Variants in SCML2 observed in about 807,000 individuals in gnomAD.
SCML2 encodes sex comb on midleg-like protein 2.
A neutral mutation model predicts 48.4 loss-of-function variants in SCML2; 6 were observed. That is an observed-to-expected ratio of 0.12 (90% CI 0.07 to 0.24). SCML2 has a LOEUF of 0.24. Among genes scored for constraint, SCML2 ranks in the 10% least tolerant of loss-of-function variants. SCML2 has a pLI of 1.00. For synonymous variants in SCML2, 181 were observed against 189.5 expected, an observed-to-expected ratio of 0.95 and a Z score of 0.37; for missense variants, 377 against 528.2, an observed-to-expected ratio of 0.71 and a Z score of 2.81.
rs1928717483 is a variant in SCML2, at chrX:18,305,139, A to T, written c.563T>A (p.Leu188His). The T allele has an allele frequency of 8.3e-7, 1 of 1,207,741 alleles. No individual in the cohort carries two copies. Among genetic ancestry groups the T allele is most frequent in the Non-Finnish European group, 1.1e-6 (1 of 894,199 alleles). Residue 188 changes from leucine to histidine, a missense_variant, in exon 7 of 15, where the codon CTC becomes CAC. Physicochemically the swap from Leu to His is moderately conservative, Grantham distance 99. Around this residue, in one of 3 missense-constraint regions of SCML2, gnomAD observed 299 missense variants for 425.5 expected, o/e 0.70. Transcript: ENST00000251900. ...ATCTCCAATGGTCGCAGGACAGATG[A>T]GATACGGGTTCTTTTTGTCAATAGC... ...LEAIDKKNPY[L>H]ICPATIGDVK...
At chrX:18,263,482 G>T (rs374380256) in intron 8 of SCML2, among the ~76,000 whole-genome samples, 1 of 111,479 alleles carries the variant, frequency 9.0e-6, no homozygotes, top group Non-Finnish European at 1.9e-5. Flanking sequence ...TGCAGTGCTG[G>T]TTCGACAATG....
In SCML2 at chrX:18,285,536, A is replaced by T. The variant is rs192289822; in HGVS notation, c.730+19436T>A. On this transcript the variant is annotated intron_variant, in intron 7 of 14. Transcript: ENST00000251900. ...ATGGACATAAACATGTGAACAATAGATATTGCAGACTACGGGGGGGTGAGG... is the reference window on the plus strand; with the variant it reads ...ATGGACATAAACATGTGAACAATAGTTATTGCAGACTACGGGGGGGTGAGG... 3.4e-4 allele frequency among the ~76,000 whole-genome samples: 37 copies of T among 110,189 alleles called. 1 individual carries two copies. Among genetic ancestry groups the T allele is most frequent in the African/African-American group, 1.2e-3 (37 of 30,222 alleles).
intron 14 of SCML2, 144 bp downstream of exon 14, chrX:18,242,295 T>C: frequency 1.7e-6 from 1 of 583,035 alleles, no homozygotes; most frequent in Non-Finnish European, 2.5e-6. Flanking sequence ...AAGGAACTAA[T>C]CTTGGGAAAA....
At chrX:18,293,754 A>G (rs1928305248) in intron 7 of SCML2, among the ~76,000 whole-genome samples, 1 of 112,402 alleles carries the variant, frequency 8.9e-6, no homozygotes, top group East Asian at 2.8e-4. Context: ...TAAAGTAGCT[A>G]GATTTTAAAA....
chrX:18,340,809 CA>C lies in SCML2; in HGVS notation c.-24-6715del, dbSNP rs752528935. ...TGGGTGACAGAGCAAGACTCCGTCT[CA>C]AAAAAAAAAAAAAAAATTAAATAAA... On this transcript the variant is annotated intron_variant, in intron 1 of 14. Transcript: ENST00000251900. Among the ~76,000 whole-genome samples the C allele has an allele frequency of 8.0e-3, 318 of 39,828 alleles. 1 individual carries two copies. The highest frequency in any genetic ancestry group is 0.022 in the African/African-American group (231 of 10,550). The allele number at this position is 39,828 out of a possible 115,157, so 34.6% of individuals were successfully genotyped here. A position where few individuals can be genotyped will look rare whatever the true frequency, so the allele number is the denominator to read the frequency against.
chrX:18,337,563 A>G (rs1474055136), intron 1 of SCML2, among the ~76,000 whole-genome samples: 2 of 110,673 alleles, frequency 1.8e-5, no homozygotes, highest in Non-Finnish European at 3.8e-5. Flanking sequence ...TACTCAAAAA[A>G]GATATGACAA....
intron 3 of SCML2, among the ~76,000 whole-genome samples, chrX:18,326,604 C>T (rs979338719): frequency 1.9e-5 from 2 of 105,663 alleles, no homozygotes; most frequent in Non-Finnish European, 3.9e-5. Context: ...TGCTTGAACT[C>T]GGGAGGTGGA....
intron 9 of SCML2, among the ~76,000 whole-genome samples, 166 bp from the exon 10 acceptor site, chrX:18,258,413 A>G (rs1926940786): frequency 8.9e-6 from 1 of 112,393 alleles, no homozygotes; most frequent in African/African-American, 3.2e-5. Context: ...ATATGTAAAT[A>G]TATTTTTACA....
chrX:18,326,394 G>A (rs1434598190), intron 3 of SCML2, among the ~76,000 whole-genome samples: 1 of 111,224 alleles, frequency 9.0e-6, no homozygotes, highest in Non-Finnish European at 1.9e-5. Flanking sequence ...TAAGAATGTG[G>A]GCTTTAGGGC....
intron 5 of SCML2, among the ~76,000 whole-genome samples, chrX:18,322,064 TTG>T (rs1029982077): frequency 6.3e-5 from 7 of 111,839 alleles, no homozygotes; most frequent in East Asian, 2.8e-4. Flanking sequence ...ACCTTTCAGT[TTG>T]TGTGTTAAAA....
intron 6 of SCML2, among the ~76,000 whole-genome samples, chrX:18,313,008 CGCGT>C (rs200201704): frequency 1.2e-5 from 1 of 85,017 alleles, no homozygotes; most frequent in African/African-American, 5.4e-5. Context: ...TGTGTGTGTG[CGCGT>C]GTGTGTGTGT....
At chrX:18,270,597 G>A (rs1342177108) in intron 7 of SCML2, among the ~76,000 whole-genome samples, 1 of 110,136 alleles carries the variant, frequency 9.1e-6, no homozygotes, top group Non-Finnish European at 1.9e-5. Context: ...TTTTTAAGCC[G>A]ATTCAACTAA....
chrX:18,317,847 A>G (rs1411777208), intron 6 of SCML2, among the ~76,000 whole-genome samples: 1 of 109,135 alleles, frequency 9.2e-6, no homozygotes. Flanking sequence ...AAAAAAAAAA[A>G]AAAAAAGAAA....
At chrX:18,301,370 G>C (rs1000307596) in intron 7 of SCML2, among the ~76,000 whole-genome samples, 4 of 110,075 alleles carry the variant, frequency 3.6e-5, no homozygotes, top group African/African-American at 1.3e-4. Flanking sequence ...TGCTCTCCAG[G>C]CTGGGTGACA....
At chrX:18,286,334 T>G (rs1337124929) in intron 7 of SCML2, among the ~76,000 whole-genome samples, 1 of 111,928 alleles carries the variant, frequency 8.9e-6, no homozygotes, top group African/African-American at 3.2e-5. Context: ...GCTATAAAAT[T>G]TTTAGACTAG....
chrX:18,272,963 T>C (rs769416121), intron 7 of SCML2, among the ~76,000 whole-genome samples: 1 of 112,169 alleles, frequency 8.9e-6, no homozygotes, highest in Admixed American at 9.4e-5. Context: ...TATAACAACA[T>C]TTCCACAGAT....
At chrX:18,351,265 A>T (rs1457600955) in intron 1 of SCML2, among the ~76,000 whole-genome samples, 1 of 106,377 alleles carries the variant, frequency 9.4e-6, no homozygotes, top group Non-Finnish European at 1.9e-5. Flanking sequence ...GCGAGAGCCC[A>T]TCTCAAAAAA....
At chrX:18,257,377 T>A (rs1926887138) in intron 10 of SCML2, among the ~76,000 whole-genome samples, 1 of 111,744 alleles carries the variant, frequency 8.9e-6, no homozygotes, top group African/African-American at 3.3e-5. Context: ...TTGAGTCACA[T>A]ATTTATTTAG....
At chrX:18,306,597 C>T (rs928927940) in intron 6 of SCML2, among the ~76,000 whole-genome samples, 2 of 111,722 alleles carry the variant, frequency 1.8e-5, no homozygotes, top group Admixed American at 9.5e-5. Context: ...TAACCAAAAG[C>T]AAGCAATTTT....
Sources: gnomAD v4.1 joint callset for allele counts (sites outside exome capture counted in the v4.1 genomes callset) on GRCh38, gnomAD v4.1.1 for gene constraint, gnomAD v4.1.1 regional missense constraint, MANE v1.5 for transcripts, NCBI Gene and HGNC (gene_info 2026-07-23, HGNC 2026-07-21) for gene names.